PCSK5: variants seen among roughly 807,000 people sequenced by gnomAD.
PCSK5 encodes prohormone convertase 5.
Under a neutral mutation model 233.2 loss-of-function variants are expected in PCSK5, and 129 were observed. The ratio of observed to expected loss-of-function variants is 0.55; its 90% CI spans 0.48 to 0.64. The LOEUF (loss-of-function observed/expected upper bound fraction) is 0.64, where lower values mean the gene tolerates loss of function less well. Among genes scored for constraint, PCSK5 ranks in the 30% least tolerant of loss-of-function variants. The pLI is 0.00. For synonymous variants in PCSK5, 825 were observed against 879.2 expected (o/e 0.94, Z 1.09); for missense variants, 2,076 against 2,430.1 (o/e 0.85, Z 3.06).
At chr9:76,045,201 C>T (rs1330665460) in intron 5 of PCSK5, among the ~76,000 whole-genome samples, 4 of 152,132 alleles carry the variant, frequency 2.6e-5, no homozygotes, top group South Asian at 2.1e-4. Flanking sequence ...CAGTAATTAT[C>T]GTGATTATGA....
At chr9:76,055,613 A>G (rs1423479350) in intron 5 of PCSK5, among the ~76,000 whole-genome samples, 1 of 152,166 alleles carries the variant, frequency 6.6e-6, no homozygotes. Flanking sequence ...ATACTAATGA[A>G]GGAATATAGT....
intron 5 of PCSK5, among the ~76,000 whole-genome samples, chr9:76,057,957 C>T (rs368956186): frequency 6.8e-4 from 102 of 151,012 alleles, no homozygotes; most frequent in African/African-American, 2.4e-3. Context: ...CAGCCTCAGC[C>T]TTCTGAGTAA....
intron 3 of PCSK5, among the ~76,000 whole-genome samples, chr9:75,993,968 A>C (rs1260961094): frequency 6.6e-6 from 1 of 152,182 alleles, no homozygotes; most frequent in Non-Finnish European, 1.5e-5. Flanking sequence ...AAACCATATC[A>C]TTTATATAAA....
chr9:76,224,572 GGATAATCGCACAGT>G (rs1825826530), intron 20 of PCSK5, among the ~76,000 whole-genome samples: 3 of 152,160 alleles, frequency 2.0e-5, no homozygotes, highest in Admixed American at 6.5e-5. Flanking sequence ...ATGAATGAAG[GGATAATCGCACAGT>G]GACAGGGAGT....
chr9:76,109,164 A>G (rs1425882352), intron 9 of PCSK5, among the ~76,000 whole-genome samples: 3 of 152,182 alleles, frequency 2.0e-5, no homozygotes, highest in Non-Finnish European at 4.4e-5. Flanking sequence ...TGGCAGCGGA[A>G]GTCTCAATTA....
At chr9:76,071,212 T>A (rs1243750361) in intron 6 of PCSK5, among the ~76,000 whole-genome samples, 1 of 152,196 alleles carries the variant, frequency 6.6e-6, no homozygotes, top group East Asian at 1.9e-4. Context: ...TTGACATAAA[T>A]AACTTAGCAA....
At chr9:76,013,282 T>C (rs1339249) in intron 3 of PCSK5, among the ~76,000 whole-genome samples, 64,546 of 152,098 alleles carry the variant, frequency 0.42, 15,200 homozygotes, top group Middle Eastern at 0.56. Flanking sequence ...TTAATGATCA[T>C]GTGTCCATCA....
chr9:76,139,700 A>G (rs1249872363), intron 10 of PCSK5, among the ~76,000 whole-genome samples: 1 of 152,082 alleles, frequency 6.6e-6, no homozygotes, highest in Non-Finnish European at 1.5e-5. Context: ...TACCCATTTC[A>G]TATTGACTGA....
intron 24 of PCSK5, among the ~76,000 whole-genome samples, chr9:76,244,910 T>A (rs1394183585): frequency 6.6e-6 from 1 of 152,360 alleles, no homozygotes; most frequent in East Asian, 1.9e-4. Flanking sequence ...GCTCCAAGAA[T>A]ATTTGATGTC....
At chr9:76,173,495 CCTTT>C (rs1823417280) in intron 13 of PCSK5, among the ~76,000 whole-genome samples, 4 of 34,576 alleles carry the variant, frequency 1.2e-4, no homozygotes, top group Non-Finnish European at 1.2e-4. Context: ...AGGCACGTTT[CCTTT>C]TTTTTTTTTT....
chr9:76,256,826 C>T (rs143535153), intron 24 of PCSK5, among the ~76,000 whole-genome samples: 561 of 152,296 alleles, frequency 3.7e-3, no homozygotes, highest in Non-Finnish European at 6.4e-3. Context: ...TTCCATCCTT[C>T]CCTTAACACA....
Position 76,134,177 on chromosome 9 carries a change from CTAA to C in PCSK5, c.1279_1281del (p.Asn427del). 1 of 1,609,138 alleles carries C rather than the reference CTAA, an allele frequency of 6.2e-7. No individual in the cohort carries two copies. The highest frequency in any genetic ancestry group is 1.7e-5 in the Admixed American group (1 of 59,340). On this transcript the variant is annotated inframe_deletion, in exon 10 of 38. Coordinates refer to ENST00000674117, the MANE Select transcript of PCSK5 (RefSeq NM_001372043.1). ...ACTTCCCGTGCGGGACATTTGAACG[CTAA>C]TGACTGGAAAACCAATGCTGCTGGT...
At chr9:76,017,748 G>T (rs1247446837) in intron 3 of PCSK5, among the ~76,000 whole-genome samples, 1 of 152,036 alleles carries the variant, frequency 6.6e-6, no homozygotes. Flanking sequence ...TTGTGTGTGT[G>T]TATGTGTGTG....
intron 2 of PCSK5, among the ~76,000 whole-genome samples, chr9:75,943,661 G>T (rs928780588): frequency 2.0e-5 from 3 of 152,132 alleles, no homozygotes; most frequent in African/African-American, 7.2e-5. Flanking sequence ...TTCCTGTAGG[G>T]TGAGCTCTAC....
At chr9:76,103,035 C>T (rs941599117) in intron 8 of PCSK5, among the ~76,000 whole-genome samples, 5 of 152,274 alleles carry the variant, frequency 3.3e-5, no homozygotes, top group South Asian at 4.1e-4. Context: ...TTTAGCAACA[C>T]GAGAGTGGGA....
chr9:75,953,746 A>G (rs1016721781), intron 2 of PCSK5, among the ~76,000 whole-genome samples: 1 of 152,174 alleles, frequency 6.6e-6, no homozygotes, highest in Non-Finnish European at 1.5e-5. Context: ...ATTATTCCAC[A>G]GAAGTGTTTT....
At chr9:76,261,146 G>A (rs1368725570) in intron 24 of PCSK5, among the ~76,000 whole-genome samples, 2 of 152,150 alleles carry the variant, frequency 1.3e-5, no homozygotes, top group Non-Finnish European at 2.9e-5. Context: ...ACACTAAAGA[G>A]GTACAGATGG....
chr9:76,083,161 A>T (rs1298564782), intron 7 of PCSK5, among the ~76,000 whole-genome samples: 1 of 149,740 alleles, frequency 6.7e-6, no homozygotes, highest in East Asian at 2.0e-4. Context: ...GTGAGCTGAA[A>T]TTGGGCCATT....
intron 3 of PCSK5, among the ~76,000 whole-genome samples, chr9:76,003,329 T>A (rs1384645320): frequency 6.6e-6 from 1 of 152,182 alleles, no homozygotes; most frequent in Non-Finnish European, 1.5e-5. Context: ...GCTGTGATCA[T>A]GTGTCTACAC....
Sources: allele counts gnomAD v4.1 joint callset (sites outside exome capture counted in the v4.1 genomes callset), GRCh38; gene constraint gnomAD v4.1.1; transcripts MANE v1.5; gene names NCBI Gene and HGNC (gene_info 2026-07-23, HGNC 2026-07-21).